The following SMG6 variants were observed in gnomAD, a reference collection of about 807,000 sequenced individuals.
The protein encoded by SMG6 is telomerase-binding protein EST1A.
SMG6 carries 66 observed loss-of-function variants against 142.2 expected under a neutral mutation model. That is an observed-to-expected ratio of 0.46 (90% confidence interval 0.38 to 0.57). The LOEUF is 0.57. Ranked by LOEUF, SMG6 falls within the 20% of genes least tolerant of loss-of-function variation. SMG6 has a pLI of 0.00. For missense variants in SMG6, 1,793 were observed against 1,832.0 expected (o/e 0.98, Z 0.39); for synonymous variants, 779 against 702.4 (o/e 1.11, Z -1.72).
At chr17:2,175,681 G>GT (rs1474476735) in intron 12 of SMG6, among the ~76,000 whole-genome samples, 1 of 152,158 alleles carries the variant, frequency 6.6e-6, no homozygotes, top group African/African-American at 2.4e-5. Context: ...ATGTTGATTT[G>GT]TAAGAAAGCA....
intron 9 of SMG6, chr17:2,237,301 C>G (rs1291634217): frequency 6.4e-6 from 1 of 156,016 alleles, no homozygotes; most frequent in East Asian, 1.9e-4. Context: ...CTCCTGACCT[C>G]AAGTGATCCA....
intron 10 of SMG6, among the ~76,000 whole-genome samples, chr17:2,209,069 T>C (rs906219140): frequency 1.3e-5 from 2 of 151,660 alleles, no homozygotes; most frequent in African/African-American, 4.8e-5. Flanking sequence ...GGAGGTGAGG[T>C]AGGAGGATGG....
chr17:2,283,743 A>G lies in SMG6; in HGVS notation c.2338-8T>C. 6.2e-7 allele frequency: 1 copy of G among 1,608,676 alleles called. No individual in the cohort carries two copies. Among genetic ancestry groups the G allele is most frequent in the Non-Finnish European group, 8.5e-7 (1 of 1,175,196 alleles). On this transcript the variant is annotated splice_polypyrimidine_tract_variant and splice_region_variant and intron_variant, in intron 6 of 18. Transcript: ENST00000263073. ...AGCGTCAAGCTTCCTCCTCTGTGGA[A>G]AGAGGCCAGAGACATTCAGTCAACC...
At chr17:2,213,397 G>A (rs1318353090) in intron 10 of SMG6, among the ~76,000 whole-genome samples, 1 of 152,204 alleles carries the variant, frequency 6.6e-6, no homozygotes, top group African/African-American at 2.4e-5. Context: ...TGTGGAGGCT[G>A]ATCCACCCGG....
chr17:2,298,523 T>A (rs1226826839), intron 2 of SMG6, among the ~76,000 whole-genome samples: 1 of 151,998 alleles, frequency 6.6e-6, no homozygotes, highest in African/African-American at 2.4e-5. Context: ...ATCGAGATCA[T>A]CCTGGCTAAC....
chr17:2,124,495 C>T (rs919591219), intron 13 of SMG6, among the ~76,000 whole-genome samples: 1 of 152,150 alleles, frequency 6.6e-6, no homozygotes, highest in Non-Finnish European at 1.5e-5. Context: ...CGCAGAGAGT[C>T]GTAACAGAGT....
chr17:2,170,576 A>G (rs918558636), intron 13 of SMG6, among the ~76,000 whole-genome samples: 1 of 152,240 alleles, frequency 6.6e-6, no homozygotes, highest in Non-Finnish European at 1.5e-5. Context: ...CTCACATACT[A>G]CAAATCCCCA....
chr17:2,125,296 T>G (rs1325327971), intron 13 of SMG6, among the ~76,000 whole-genome samples: 1 of 152,100 alleles, frequency 6.6e-6, no homozygotes, highest in Non-Finnish European at 1.5e-5. Flanking sequence ...CTTCTAACCA[T>G]GCATTCCATA....
rs147171693 is a variant in SMG6 at position 2,061,770 on chromosome 17, GCT to G, written c.4130-150_4130-149del. 2.5e-3 allele frequency: 2,334 copies of G among 931,432 alleles called. 40 individuals carry two copies. The African/African-American group carries it at 0.034, about 14-fold the overall frequency. The allele number at this position is 931,432 out of a possible 1,614,324, so 57.7% of individuals were successfully genotyped here. On this transcript the variant is annotated intron_variant, in intron 18 of 18. Transcript: ENST00000263073. ...TCTACCAGTCCTTTCCTCCGTCCGG[GCT>G]CTCAGCCCCGGGGACCCTCCCCTGC...
intron 10 of SMG6, among the ~76,000 whole-genome samples, chr17:2,234,467 T>C (rs1223688206): frequency 1.3e-5 from 2 of 151,738 alleles, no homozygotes; most frequent in African/African-American, 2.4e-5. Flanking sequence ...TTCGCCATGT[T>C]GGCCAGGCTG....
At chr17:2,098,127 T>A (rs939500353) in intron 13 of SMG6, among the ~76,000 whole-genome samples, 2 of 152,110 alleles carry the variant, frequency 1.3e-5, no homozygotes, top group Non-Finnish European at 2.9e-5. Flanking sequence ...GAGCTGGGAC[T>A]ACAAGCACGT....
chr17:2,184,023 G>T (rs1412357435), intron 12 of SMG6, among the ~76,000 whole-genome samples: 4 of 152,126 alleles, frequency 2.6e-5, no homozygotes, highest in Admixed American at 1.3e-4. Context: ...CACAGACCCA[G>T]ACACAGACAC....
chr17:2,292,528 T>C, intron 6 of SMG6, 24 bp downstream of exon 6: 1 of 1,611,210 alleles, frequency 6.2e-7, no homozygotes, highest in Non-Finnish European at 8.5e-7. Context: ...AAAGCACTTT[T>C]CCCCTGTCCA....
At chr17:2,084,388 T>C (rs1017074096) in intron 14 of SMG6, among the ~76,000 whole-genome samples, 1 of 152,190 alleles carries the variant, frequency 6.6e-6, no homozygotes, top group African/African-American at 2.4e-5. Flanking sequence ...CCAGGTTTCA[T>C]CTGGAGAGTC....
chr17:2,191,258 C>T (rs950113586), intron 10 of SMG6, among the ~76,000 whole-genome samples: 2 of 152,186 alleles, frequency 1.3e-5, no homozygotes, highest in African/African-American at 4.8e-5. Context: ...CTTCCACAGG[C>T]TAGAAACCGT....
chr17:2,295,134 TC>T (rs2075118502), intron 4 of SMG6, among the ~76,000 whole-genome samples: 1 of 152,090 alleles, frequency 6.6e-6, no homozygotes, highest in Non-Finnish European at 1.5e-5. Context: ...TGCCTTGGCC[TC>T]CCAAAGGGCT....
At position 2,214,945 on chromosome 17, in the gene SMG6, C is replaced by T. The variant is rs144553280; in HGVS notation, c.2869+21547G>A. ...TACTTTCTGCATGCCACATGTCTAG[C>T]CCTAAAGAACTGAGGAATGCTCTCG... On this transcript the variant is annotated intron_variant, in intron 10 of 18. Coordinates refer to ENST00000263073, the MANE Select transcript of SMG6 (RefSeq NM_017575.5). Among the ~76,000 whole-genome samples, 293 of 152,212 alleles carry T rather than the reference C, an allele frequency of 1.9e-3. 1 individual carries two copies. The highest frequency in any genetic ancestry group is 6.8e-3 in the African/African-American group (284 of 41,524).
intron 9 of SMG6, chr17:2,236,889 A>G (rs1381944223): frequency 1.7e-6 from 2 of 1,146,014 alleles, no homozygotes; most frequent in African/African-American, 3.2e-5. Flanking sequence ...ATAAATCACT[A>G]TGAGTTATTA....
intron 13 of SMG6, among the ~76,000 whole-genome samples, chr17:2,130,911 G>A (rs905876827): frequency 1.8e-4 from 28 of 152,124 alleles, no homozygotes; most frequent in East Asian, 7.8e-4. Context: ...GGCTGAGGCA[G>A]AGAATTGCTT....
Sources: gnomAD v4.1 joint callset for allele counts (sites outside exome capture counted in the v4.1 genomes callset) on GRCh38, gnomAD v4.1.1 for gene constraint, MANE v1.5 for transcripts, NCBI Gene and HGNC (gene_info 2026-07-23, HGNC 2026-07-21) for gene names.